Variants in DLG1 observed in about 807,000 individuals in gnomAD.
DLG1 encodes the protein discs large MAGUK scaffold protein 1.
DLG1 carries 42 observed loss-of-function variants against 123.4 expected under a neutral mutation model. The observed-to-expected ratio is 0.34, with a 90% CI of 0.27 to 0.44. The LOEUF (loss-of-function observed/expected upper bound fraction) is 0.44. Among genes scored for constraint, DLG1 ranks in the 20% least tolerant of loss-of-function variants. The probability of loss-of-function intolerance (pLI) is 1.00; values close to 1 mark genes in which losing one functional copy is unlikely to be tolerated. For missense variants in DLG1, 942 were observed against 1,082.6 expected, an observed-to-expected ratio of 0.87 and a Z score of 1.82; for synonymous variants, 317 against 356.2, an observed-to-expected ratio of 0.89 and a Z score of 1.24.
chr3:197,112,321 CTTA>C (rs1770525962), intron 13 of DLG1, among the ~76,000 whole-genome samples: 1 of 152,182 alleles, frequency 6.6e-6, no homozygotes, highest in South Asian at 2.1e-4. Context: ...TTACATCACT[CTTA>C]TTCAACTCCC....
At chr3:197,084,777 GATAGAT>G (rs1026582230) in intron 16 of DLG1, among the ~76,000 whole-genome samples, 25 of 150,686 alleles carry the variant, frequency 1.7e-4, no homozygotes, top group South Asian at 4.2e-4. Flanking sequence ...TATATATATA[GATAGAT>G]ATAGATATAG....
At chr3:197,293,403 T>C (rs1775868877) in intron 3 of DLG1, among the ~76,000 whole-genome samples, 1 of 152,270 alleles carries the variant, frequency 6.6e-6, no homozygotes. Flanking sequence ...CAATGATTTC[T>C]ATATTACATT....
At chr3:197,077,088 T>C (rs1747778871) in intron 17 of DLG1, among the ~76,000 whole-genome samples, 2 of 152,196 alleles carry the variant, frequency 1.3e-5, no homozygotes, top group South Asian at 2.1e-4. Flanking sequence ...TTATTCATTA[T>C]CTTCATTTTA....
chr3:197,097,584 T>C (rs1224878833), intron 14 of DLG1, among the ~76,000 whole-genome samples: 4 of 145,964 alleles, frequency 2.7e-5, no homozygotes, highest in South Asian at 4.4e-4. Flanking sequence ...TACTTTCTTT[T>C]TTTTTTTTTT....
intron 3 of DLG1, among the ~76,000 whole-genome samples, chr3:197,294,914 T>C (rs755486106): frequency 3.8e-4 from 58 of 152,008 alleles, no homozygotes; most frequent in Non-Finnish European, 4.3e-4. Flanking sequence ...CATATATGTA[T>C]ATATATATCT....
rs541153402 is a variant in DLG1, at chr3:197,236,689, CA to C, written c.319-42101del. 2.4e-4 allele frequency among the ~76,000 whole-genome samples: 36 copies of C among 152,236 alleles called. No individual in the cohort carries two copies. The East Asian group carries it at 6.6e-3, about 28-fold the overall frequency. On this transcript the variant is annotated intron_variant, in intron 4 of 24. Coordinates refer to ENST00000667157, the MANE Select transcript of DLG1 (RefSeq NM_001366207.1). ...CAGGGGAAAGCTACAGCTGCAGAAC[CA>C]AAGTCAAGAAAAGTCGATTTTCACA...
intron 3 of DLG1, among the ~76,000 whole-genome samples, chr3:197,295,617 A>G (rs1777061738): frequency 6.6e-6 from 1 of 152,198 alleles, no homozygotes; most frequent in Non-Finnish European, 1.5e-5. Context: ...TATACACAAA[A>G]TATGAGATGA....
At chr3:197,113,743 T>G (rs114917038) in intron 13 of DLG1, among the ~76,000 whole-genome samples, 1 of 152,212 alleles carries the variant, frequency 6.6e-6, no homozygotes, top group Non-Finnish European at 1.5e-5. Flanking sequence ...AAAGAAAATT[T>G]AAGCTGCTAT....
In DLG1 at chr3:197,246,103, C is replaced by T. The variant is rs988372525; in HGVS notation, c.318+36576G>A. Among the ~76,000 whole-genome samples, 12 of 152,262 alleles carry T rather than the reference C, an allele frequency of 7.9e-5. 1 individual carries two copies. Among genetic ancestry groups the T allele is most frequent in the African/African-American group, 2.9e-4 (12 of 41,536 alleles). Reference sequence around the variant, plus strand: ...AAATGTTCTAAGGCTTGATTTATTGCAAACAATTCACATGTTTGAGCGGAC... The same window carrying T: ...AAATGTTCTAAGGCTTGATTTATTGTAAACAATTCACATGTTTGAGCGGAC... On this transcript the variant is annotated intron_variant, in intron 4 of 24. Transcript: ENST00000667157.
chr3:197,270,905 G>C (rs182109045), intron 4 of DLG1, among the ~76,000 whole-genome samples: 1 of 152,164 alleles, frequency 6.6e-6, no homozygotes, highest in Non-Finnish European at 1.5e-5. Flanking sequence ...TTAGTGGAAT[G>C]AGTTAAATAA....
chr3:197,280,473 G>A (rs1332588586), intron 4 of DLG1, among the ~76,000 whole-genome samples: 1 of 151,998 alleles, frequency 6.6e-6, no homozygotes, highest in Non-Finnish European at 1.5e-5. Flanking sequence ...GTATCCCTTT[G>A]ATATTCTGAT....
intron 6 of DLG1, among the ~76,000 whole-genome samples, chr3:197,147,190 G>GGGA (rs1229618278): frequency 6.6e-6 from 1 of 152,142 alleles, no homozygotes; most frequent in Non-Finnish European, 1.5e-5. Flanking sequence ...CACTGTTGAT[G>GGGA]GGAATGTAAA....
chr3:197,088,790 G>GA (rs1187043605), intron 15 of DLG1, among the ~76,000 whole-genome samples: 1 of 152,132 alleles, frequency 6.6e-6, no homozygotes, highest in Non-Finnish European at 1.5e-5. Context: ...GTAAGAATAT[G>GA]AAAAATCAAA....
In DLG1 at chr3:197,140,128, C is replaced by A. The variant is rs780565170; in HGVS notation, c.713+12G>T. ...GTGGATTCAGCATCACAATAAAAAG[C>A]GCAAAACATACCGCAATCTTCCATC... On this transcript the variant is annotated intron_variant, in intron 8 of 24. Transcript: ENST00000667157. 6.2e-7 allele frequency: 1 copy of A among 1,610,354 alleles called. No homozygotes were observed. The highest frequency in any genetic ancestry group is 2.2e-5 in the East Asian group (1 of 44,794).
chr3:197,265,761 C>T (rs573749751), intron 4 of DLG1, among the ~76,000 whole-genome samples: 66 of 152,258 alleles, frequency 4.3e-4, no homozygotes, highest in Admixed American at 1.2e-3. Flanking sequence ...ACTGAAAAAG[C>T]TTAAAAGCAG....
intron 4 of DLG1, among the ~76,000 whole-genome samples, chr3:197,206,945 A>G (rs1427476422): frequency 6.6e-6 from 1 of 152,254 alleles, no homozygotes; most frequent in African/African-American, 2.4e-5. Flanking sequence ...CATTTAACTA[A>G]GTATGCTGGA....
At chr3:197,202,231 T>C (rs1042292454) in intron 4 of DLG1, among the ~76,000 whole-genome samples, 2 of 152,232 alleles carry the variant, frequency 1.3e-5, no homozygotes, top group African/African-American at 4.8e-5. Context: ...AACTGTATTA[T>C]ATCTGCATTT....
chr3:197,145,814 T>C (rs1003716732), intron 6 of DLG1, among the ~76,000 whole-genome samples: 2 of 147,582 alleles, frequency 1.4e-5, no homozygotes, highest in African/African-American at 5.0e-5. Flanking sequence ...ATACAAAAAT[T>C]AGCCAGGTGT....
chr3:197,244,164 G>C (rs1393546976), intron 4 of DLG1, among the ~76,000 whole-genome samples: 2 of 152,216 alleles, frequency 1.3e-5, no homozygotes. Context: ...AGAGACATGA[G>C]GTAAAACTGG....
Sources: allele counts gnomAD v4.1 joint callset (sites outside exome capture counted in the v4.1 genomes callset), GRCh38; gene constraint gnomAD v4.1.1; transcripts MANE v1.5; gene names NCBI Gene and HGNC (gene_info 2026-07-23, HGNC 2026-07-21).